The following ITPRIP variants were observed in gnomAD, a reference collection of about 807,000 sequenced individuals.
ITPRIP encodes inositol 1,4,5-trisphosphate receptor-interacting protein.
In ITPRIP, 32 loss-of-function variants were observed where a neutral mutation model predicts 35.8. The ratio of observed to expected loss-of-function variants is 0.89; its 90% CI spans 0.68 to 1.20. The LOEUF (loss-of-function observed/expected upper bound fraction) is 1.20. Ranked by LOEUF, ITPRIP falls within the 50% of genes most tolerant of loss-of-function variation. The pLI is 0.00. For missense variants in ITPRIP, 653 were observed against 735.6 expected (o/e 0.89, Z 1.30); for synonymous variants, 358 against 324.0 (o/e 1.11, Z -1.13).
chr10:104,333,955 T>G lies in ITPRIP; in HGVS notation c.-14+4291A>C, dbSNP rs2014196699. 2 of 152,194 alleles carry G rather than the reference T, an allele frequency of 1.3e-5. No homozygotes were observed. The highest frequency in any genetic ancestry group is 1.3e-4 in the Admixed American group (2 of 15,270). The allele number at this position is 152,194 out of a possible 1,614,324, so 9.4% of individuals were successfully genotyped here. On this transcript the variant is annotated intron_variant, in intron 1 of 1. Coordinates refer to ENST00000337478, the MANE Select transcript of ITPRIP (RefSeq NM_001272013.2). This position sits in a 1 kb window ranked among gnomAD's most constrained non-coding sequence, Gnocchi z 4.1. ...CAGGCACGGTGCTCAGAGCCTTCTG[T>G]GCATCGTCTGGGTCAACCCTCCCCA...
chr10:104,330,689 C>A (rs2135209665), intron 1 of ITPRIP, among the ~76,000 whole-genome samples: 1 of 152,308 alleles, frequency 6.6e-6, no homozygotes, highest in African/African-American at 2.4e-5. Flanking sequence ...GAATTACAAC[C>A]ACTGCATCCC....
chr10:104,315,966 G>A lies in ITPRIP; in HGVS notation c.86C>T (p.Thr29Ile). ...HPLLFPRENATVPENEEEIIR... is the reference protein window; with the variant it reads ...HPLLFPRENAIVPENEEEIIR... ...GATCTCCTCCTCGTTCTCGGGGACT[G>A]TGGCGTTCTCCCGCGGGAACAGCAG... Residue 29 changes from threonine (T) to isoleucine (I), a missense_variant, in exon 2 of 2, where the codon ACA (threonine) becomes ATA (isoleucine). By Grantham distance (89) the Thr-to-Ile change is moderately conservative (BLOSUM62 -1). Transcript: ENST00000337478. The surrounding 1 kb of genome is among the most constrained non-coding windows in gnomAD (Gnocchi z 5.7). The A allele has an allele frequency of 6.2e-7, 1 of 1,613,664 alleles. No homozygotes were observed. Among genetic ancestry groups the A allele is most frequent in the Non-Finnish European group, 8.5e-7 (1 of 1,179,948 alleles).
In ITPRIP at chr10:104,315,231, T is replaced by C; in HGVS notation, c.821A>G (p.Asn274Ser). The C allele has an allele frequency of 1.2e-6, 2 of 1,613,600 alleles. No individual in the cohort carries two copies. Among genetic ancestry groups the C allele is most frequent in the Non-Finnish European group, 1.7e-6 (2 of 1,179,730 alleles). The change falls in exon 2 of 2, where the codon AAC becomes AGC. Residue 274 changes from asparagine (N) to serine (S), a missense_variant. Asn to Ser is a conservative substitution (Grantham distance 46). Coordinates refer to ENST00000337478, the MANE Select transcript of ITPRIP (RefSeq NM_001272013.2). This position sits in a 1 kb window ranked among gnomAD's most constrained non-coding sequence, Gnocchi z 5.7. ...EDMLCLLHGR[N>S]SMAPPCGDME... ...GTCGCCGCAGGGAGGCGCCATGCTG[T>C]TCCTGCCGTGCAGGAGACACAGCAT...
chr10:104,315,978 C>A lies in ITPRIP; in HGVS notation c.74G>T (p.Arg25Leu). 6.2e-7 allele frequency: 1 copy of A among 1,613,076 alleles called. No individual in the cohort carries two copies. The highest frequency in any genetic ancestry group is 8.5e-7 in the Non-Finnish European group (1 of 1,179,730). Residue 25 changes from arginine (R) to leucine (L), a missense_variant, in exon 2 of 2, where the codon CGG (arginine) becomes CTG (leucine). Transcript: ENST00000337478. This position sits in a 1 kb window ranked among gnomAD's most constrained non-coding sequence, Gnocchi z 5.7. ...GTTCTCGGGGACTGTGGCGTTCTCC[C>A]GCGGGAACAGCAGCGGGTGGTTGAT... ...AIINHPLLFP[R>L]ENATVPENEE...
At chr10:104,322,616 G>T (rs544825703) in intron 1 of ITPRIP, among the ~76,000 whole-genome samples, 1 of 152,158 alleles carries the variant, frequency 6.6e-6, no homozygotes, top group Non-Finnish European at 1.5e-5. Context: ...GGAGGGTGGG[G>T]CTCCTGCAGT....
At chr10:104,321,216 G>T (rs1484670879) in intron 1 of ITPRIP, among the ~76,000 whole-genome samples, 2 of 152,182 alleles carry the variant, frequency 1.3e-5, no homozygotes, top group Non-Finnish European at 2.9e-5. Flanking sequence ...ACATCAGCTG[G>T]TGGGTTTGGC....
At chr10:104,325,102 C>T (rs2013959820) in intron 1 of ITPRIP, among the ~76,000 whole-genome samples, 1 of 152,204 alleles carries the variant, frequency 6.6e-6, no homozygotes, top group South Asian at 2.1e-4. Context: ...TGCCTGTGGT[C>T]CCAGCTACTC....
In ITPRIP at chr10:104,315,837, A is replaced by G; in HGVS notation, c.215T>C (p.Val72Ala). The part of the protein sequence containing the change: ...LAAEKEALEQ[V>A]AEEGRQQNET... ...GTTCTGCTGCCTGCCCTCCTCCGCC[A>G]CCTGCTCCAGTGCCTCCTTTTCGGC... Residue 72 changes from valine to alanine, a missense_variant, in exon 2 of 2, where the codon GTG becomes GCG. Transcript: ENST00000337478. This position sits in a 1 kb window ranked among gnomAD's most constrained non-coding sequence, Gnocchi z 5.7. The G allele has an allele frequency of 6.2e-7, 1 of 1,612,766 alleles. No homozygotes were observed. The highest frequency in any genetic ancestry group is 1.1e-5 in the South Asian group (1 of 91,036).
chr10:104,322,292 C>A (rs997787261), intron 1 of ITPRIP, among the ~76,000 whole-genome samples: 5 of 152,212 alleles, frequency 3.3e-5, no homozygotes, highest in Non-Finnish European at 7.3e-5. Flanking sequence ...GTTCATCACA[C>A]CGCTTTTGCC....
In ITPRIP at chr10:104,314,392, C is replaced by T. The variant is rs1211883968; in HGVS notation, c.*16G>A. ...CCCTCATCTTAGCTCGAGGATCCCA[C>T]ATTCTGTAAAAGACGTCAGCTTTTT... On this transcript the variant is annotated 3_prime_UTR_variant, in exon 2 of 2. Transcript: ENST00000337478. 6.3e-7 allele frequency: 1 copy of T among 1,593,992 alleles called. No homozygotes were observed. Among genetic ancestry groups the T allele is most frequent in the Middle Eastern group, 1.7e-4 (1 of 5,960 alleles).
At position 104,313,626 on chromosome 10, in the gene ITPRIP, C is replaced by T; in HGVS notation, c.*782G>A. On this transcript the variant is annotated 3_prime_UTR_variant, in exon 2 of 2. Coordinates refer to ENST00000337478, the MANE Select transcript of ITPRIP (RefSeq NM_001272013.2). Reference sequence around the variant, plus strand: ...AGGTGGGGGGCTGCTGAGCTGGCACCCAGTGTGGCAAATACCCACCACGCT... The same window carrying T: ...AGGTGGGGGGCTGCTGAGCTGGCACTCAGTGTGGCAAATACCCACCACGCT... The T allele has an allele frequency of 1.0e-6, 1 of 985,522 alleles. No individual in the cohort carries two copies. The highest frequency in any genetic ancestry group is 1.2e-6 in the Non-Finnish European group (1 of 830,058). 61.0% of individuals were successfully genotyped at this position (985,522 alleles called of 1,614,324 possible). A position where few individuals can be genotyped will look rare whatever the true frequency, so the allele number is the denominator to read the frequency against.
rs376948772 is a variant in ITPRIP, at chr10:104,315,458, C to A, written c.594G>T (p.Glu198Asp). The A allele has an allele frequency of 1.2e-6, 2 of 1,611,694 alleles. No homozygotes were observed. The highest frequency in any genetic ancestry group is 1.7e-5 in the Admixed American group (1 of 59,888). Reference protein sequence around the residue: ...EDFIGVDSMYENWQVDRPLLC... With the variant: ...EDFIGVDSMYDNWQVDRPLLC... ...GCAGTGGCCTGTCCACCTGCCAGTT[C>A]TCGTACATGCTGTCCACGCCAATGA... Residue 198 changes from glutamate to aspartate, a missense_variant, in exon 2 of 2, where the codon GAG becomes GAT. By Grantham distance (45) the Glu-to-Asp change is conservative. Transcript: ENST00000337478. The surrounding 1 kb of genome is among the most constrained non-coding windows in gnomAD (Gnocchi z 5.7).
rs779163484 is a variant in ITPRIP, at chr10:104,314,706, C to T, written c.1346G>A (p.Trp449Ter). The stretch of plus-strand genomic sequence containing the variant: ...ACGAGCGTCCAGCTGCCCCGCCTTC[C>T]AGTCGGCGGCCTGCCGGAGGAGTAG... Reference protein sequence around the residue: ...HLLLLRQAADWKAGQLDARLH... With the variant: ...HLLLLRQAAD Residue 449 changes from tryptophan (W) to a stop codon, truncating the protein, a stop_gained, in exon 2 of 2, where the codon TGG becomes TAG. Transcript: ENST00000337478. LOFTEE classifies it high-confidence loss of function. 42 of 1,613,682 alleles carry T rather than the reference C, an allele frequency of 2.6e-5. No individual in the cohort carries two copies. The highest frequency in any genetic ancestry group is 4.5e-5 in the East Asian group (2 of 44,888).
chr10:104,329,855 G>T (rs1377635111), intron 1 of ITPRIP, among the ~76,000 whole-genome samples: 1 of 152,242 alleles, frequency 6.6e-6, no homozygotes, highest in East Asian at 1.9e-4. Context: ...ACTGGTACTG[G>T]TGCTGCGGTC....
chr10:104,335,969 A>G (rs1455407297), intron 1 of ITPRIP, among the ~76,000 whole-genome samples: 6 of 151,954 alleles, frequency 3.9e-5, no homozygotes, highest in African/African-American at 1.5e-4. Flanking sequence ...TAAGCCCTCA[A>G]TAGTGGTTGT....
In ITPRIP at chr10:104,326,502, G is replaced by A. The variant is rs1327285651; in HGVS notation, c.-13-10438C>T. 1 of 152,258 alleles carries A rather than the reference G, an allele frequency of 6.6e-6. No individual in the cohort carries two copies. Among genetic ancestry groups the A allele is most frequent in the Non-Finnish European group, 1.5e-5 (1 of 68,078 alleles). The allele number at this position is 152,258 out of a possible 1,614,324, so 9.4% of individuals were successfully genotyped here. A position where few individuals can be genotyped will look rare whatever the true frequency, so the allele number is the denominator to read the frequency against. ...GGCTGGGTTGTGGAGAGGACAGTGA[G>A]AAGAGACTACAAGGAGTAAAACAGT... On this transcript the variant is annotated intron_variant, in intron 1 of 1. Transcript: ENST00000337478. The surrounding 1 kb of genome is among the most constrained non-coding windows in gnomAD (Gnocchi z 4.8).
In ITPRIP at chr10:104,313,136, C is replaced by A. The variant is rs2013529798; in HGVS notation, c.*1272G>T. ...CCCCGCTGGAGTGAGGAACTAGGGG[C>A]TCAGAGCCTGCAGACTGGAGCTAGG... is the stretch of plus-strand genomic sequence containing the variant. On this transcript the variant is annotated 3_prime_UTR_variant, in exon 2 of 2. Transcript: ENST00000337478. 2.0e-6 allele frequency: 2 copies of A among 985,482 alleles called. No homozygotes were observed. 61.0% of individuals were successfully genotyped at this position (985,482 alleles called of 1,614,324 possible). A position where few individuals can be genotyped will look rare whatever the true frequency, so the allele number is the denominator to read the frequency against.
In ITPRIP at chr10:104,318,771, C is replaced by A. The variant is rs1417149482; in HGVS notation, c.-13-2707G>T. On this transcript the variant is annotated intron_variant, in intron 1 of 1. Transcript: ENST00000337478. ...CTACTGGAGGTGACTTCGGAGAAAT[C>A]ACTTCCCAGAACCTCAGTTTCTTCA... Among the ~76,000 whole-genome samples, 3 of 152,208 alleles carry A rather than the reference C, an allele frequency of 2.0e-5. No homozygotes were observed. In the South Asian group the frequency reaches 6.2e-4, roughly 31 times the overall value.
At chr10:104,335,724 A>G (rs2014221186) in intron 1 of ITPRIP, among the ~76,000 whole-genome samples, 1 of 152,084 alleles carries the variant, frequency 6.6e-6, no homozygotes. Context: ...CCCCTTTCCC[A>G]CGAGGGTTCC....
Sources: gnomAD v4.1 joint callset for allele counts (sites outside exome capture counted in the v4.1 genomes callset) on GRCh38, gnomAD v4.1.1 for gene constraint, Gnocchi (gnomAD v3.1) non-coding constraint, MANE v1.5 for transcripts, NCBI Gene and HGNC (gene_info 2026-07-23, HGNC 2026-07-21) for gene names.